CKMT2: variants seen among roughly 807,000 people sequenced by gnomAD.
CKMT2 encodes creatine kinase, mitochondrial 2.
CKMT2 carries 43 observed loss-of-function variants against 48.9 expected under a neutral mutation model. The ratio of observed to expected loss-of-function variants is 0.88; its 90% CI spans 0.69 to 1.13. CKMT2 has a LOEUF of 1.13. Ranked by LOEUF, CKMT2 falls within the 50% of genes most tolerant of loss-of-function variation. The probability of loss-of-function intolerance (pLI) is 0.00; values close to 1 mark genes in which losing one functional copy is unlikely to be tolerated. For synonymous variants in CKMT2, 206 were observed against 213.0 expected, an observed-to-expected ratio of 0.97 and a Z score of 0.29; for missense variants, 472 against 555.4, an observed-to-expected ratio of 0.85 and a Z score of 1.51.
intron 1 of CKMT2, chr5:81,246,936 T>G (rs1233443923): frequency 6.6e-6 from 1 of 152,256 alleles, no homozygotes; most frequent in East Asian, 1.9e-4. Flanking sequence ...GCTCACCATA[T>G]GCTGACGGGG....
intron 7 of CKMT2, among the ~76,000 whole-genome samples, chr5:81,258,567 C>A (rs1195071825): frequency 6.6e-6 from 1 of 152,142 alleles, no homozygotes; most frequent in East Asian, 1.9e-4. Flanking sequence ...CAGGGGTCCT[C>A]AACCCCGGGG....
rs771276407 is a variant in CKMT2 at position 81,255,022 on chromosome 5, C to T, written c.477C>T (p.Tyr159=). Residue 159 remains tyrosine (Y), a synonymous_variant, in exon 5 of 10, where the codon TAC becomes TAT. Coordinates refer to ENST00000254035, the MANE Select transcript of CKMT2 (RefSeq NM_001099735.2). ...CCCAAGGGCAGTTCGACGAGCATTA[C>T]GTGCTGTCTTCTCGGGTGCGCACTG... is the stretch of plus-strand genomic sequence containing the variant. The part of the protein sequence containing the change: ...KITQGQFDEH[Y]VLSSRVRTGR... 17 of 1,613,888 alleles carry T rather than the reference C, an allele frequency of 1.1e-5. No individual in the cohort carries two copies. The highest frequency in any genetic ancestry group is 3.3e-5 in the Admixed American group (2 of 59,978).
chr5:81,241,842 A>G (rs1756445566), intron 1 of CKMT2, among the ~76,000 whole-genome samples: 1 of 151,976 alleles, frequency 6.6e-6, no homozygotes, highest in Non-Finnish European at 1.5e-5. Flanking sequence ...TCTTTTTCCT[A>G]TATTTTATGG....
chr5:81,254,893 G>T (rs1224521110), intron 4 of CKMT2, 100 bp from the exon 5 acceptor site: 1 of 973,896 alleles, frequency 1.0e-6, no homozygotes, highest in Non-Finnish European at 1.6e-6. Flanking sequence ...GTGCCTGAGG[G>T]TCCCCAGGGA....
At chr5:81,254,186 C>A (rs935686441) in intron 3 of CKMT2, among the ~76,000 whole-genome samples, 1 of 152,112 alleles carries the variant, frequency 6.6e-6, no homozygotes, top group Non-Finnish European at 1.5e-5. Context: ...GGGCAAGATG[C>A]CTTCAAAAGG....
At chr5:81,244,073 C>G (rs1756529044) in intron 1 of CKMT2, 1 of 985,302 alleles carries the variant, frequency 1.0e-6, no homozygotes, top group Non-Finnish European at 1.2e-6. Context: ...TGTCCCGTTT[C>G]ACACTAAACG....
At chr5:81,255,478 G>A (rs558303729) in intron 5 of CKMT2, among the ~76,000 whole-genome samples, 169 of 152,378 alleles carry the variant, frequency 1.1e-3, no homozygotes, top group African/African-American at 3.9e-3. Flanking sequence ...CCTGCGGTTA[G>A]GAGGGTGGAG....
At chr5:81,237,811 G>A (rs1756294711) in intron 1 of CKMT2, 1 of 152,064 alleles carries the variant, frequency 6.6e-6, no homozygotes, top group South Asian at 2.1e-4. Context: ...TCCTAAGCAA[G>A]TTTTTCTTTT....
intron 1 of CKMT2, chr5:81,238,313 G>C (rs140149318): frequency 6.6e-6 from 1 of 151,868 alleles, no homozygotes; most frequent in African/African-American, 2.4e-5. Flanking sequence ...CAGCCTGGGC[G>C]ACAGAGCGAG....
At chr5:81,240,378 T>C (rs572384753) in intron 1 of CKMT2, among the ~76,000 whole-genome samples, 1 of 152,308 alleles carries the variant, frequency 6.6e-6, no homozygotes, top group African/African-American at 2.4e-5. Context: ...GGCAGCTCCA[T>C]TCCTTGGGAG....
intron 8 of CKMT2, 141 bp downstream of exon 8, chr5:81,259,395 T>G: frequency 1.1e-5 from 8 of 745,940 alleles, no homozygotes; most frequent in Non-Finnish European, 1.2e-5. Flanking sequence ...AAAATTAAGT[T>G]TGCCTCCAAA....
intron 1 of CKMT2, among the ~76,000 whole-genome samples, chr5:81,247,743 T>C (rs1294732333): frequency 6.6e-6 from 1 of 152,202 alleles, no homozygotes; most frequent in African/African-American, 2.4e-5. Flanking sequence ...TCAATGCCTC[T>C]TTGTGTTCTG....
intron 1 of CKMT2, chr5:81,238,340 TAAAAA>T (rs946701035): frequency 6.7e-6 from 1 of 150,008 alleles, no homozygotes; most frequent in Non-Finnish European, 1.5e-5. Flanking sequence ...TCAAAAAAAA[TAAAAA>T]AACAAAAACA....
chr5:81,255,013 C>T lies in CKMT2; in HGVS notation c.468C>T (p.Asp156=), dbSNP rs202117847. The T allele has an allele frequency of 1.7e-5, 27 of 1,613,828 alleles. No individual in the cohort carries two copies. The East Asian group carries it at 2.0e-4, about 12-fold the overall frequency. The change falls in exon 5 of 10, where the codon GAC becomes GAT. Residue 156 remains aspartate, a synonymous_variant. Coordinates refer to ENST00000254035, the MANE Select transcript of CKMT2 (RefSeq NM_001099735.2). The stretch of plus-strand genomic sequence containing the variant: ...GGCAGATCACCCAAGGGCAGTTCGA[C>T]GAGCATTACGTGCTGTCTTCTCGGG... The part of the protein sequence containing the change: ...DASKITQGQF[D]EHYVLSSRVR...
At position 81,256,905 on chromosome 5, in the gene CKMT2, T is replaced by A. The variant is rs779175663; in HGVS notation, c.670-10T>A. The A allele has an allele frequency of 1.9e-6, 3 of 1,608,286 alleles. No individual in the cohort carries two copies. Among genetic ancestry groups the A allele is most frequent in the Non-Finnish European group, 1.7e-6 (2 of 1,175,300 alleles). Reference sequence around the variant, plus strand: ...TCTCTCCTCTCTGCTTTATCCCTTTTGGCCTACAGGACCACTTTCTGTTTG... The same window carrying A: ...TCTCTCCTCTCTGCTTTATCCCTTTAGGCCTACAGGACCACTTTCTGTTTG... On this transcript the variant is annotated splice_polypyrimidine_tract_variant and intron_variant, in intron 5 of 9. Coordinates refer to ENST00000254035, the MANE Select transcript of CKMT2 (RefSeq NM_001099735.2).
chr5:81,236,947 C>T (rs1005265742), intron 1 of CKMT2, among the ~76,000 whole-genome samples: 7 of 151,946 alleles, frequency 4.6e-5, no homozygotes, highest in Non-Finnish European at 7.4e-5. Context: ...GTCAGGAGTT[C>T]GAGACCAGCC....
In CKMT2 at chr5:81,263,608, C is replaced by A; in HGVS notation, c.1132C>A (p.Arg378=). ...YDISNIDRIG[R]SEVELVQIVI... is the part of the protein sequence containing the mutation. ...CATTTCCAACATAGATAGAATTGGT[C>A]GATCAGAGGTAACGTCTCTCTCACT... Residue 378 remains arginine (R), a synonymous_variant, in exon 9 of 10, where the codon CGA becomes AGA. Transcript: ENST00000254035. 6.2e-7 allele frequency: 1 copy of A among 1,610,780 alleles called. No individual in the cohort carries two copies. Among genetic ancestry groups the A allele is most frequent in the Non-Finnish European group, 8.5e-7 (1 of 1,178,004 alleles).
intron 1 of CKMT2, among the ~76,000 whole-genome samples, chr5:81,239,747 A>G (rs924257440): frequency 2.6e-5 from 4 of 152,132 alleles, no homozygotes; most frequent in African/African-American, 7.2e-5. Context: ...TGGCTCCCCA[A>G]GTAGAGCACA....
At chr5:81,242,324 G>A (rs2277037) in intron 1 of CKMT2, 128,380 of 373,936 alleles carry the variant, frequency 0.34, 23,722 homozygotes, top group Admixed American at 0.53. Flanking sequence ...TGAGACAAAG[G>A]TTTGTTCATT....
Sources: allele counts gnomAD v4.1 joint callset (sites outside exome capture counted in the v4.1 genomes callset), GRCh38; gene constraint gnomAD v4.1.1; transcripts MANE v1.5; gene names NCBI Gene and HGNC (gene_info 2026-07-23, HGNC 2026-07-21).